Variants in FGF13 observed in about 807,000 individuals in gnomAD.
FGF13 encodes fibroblast growth factor homologous factor 2.
Under a neutral mutation model 19.5 loss-of-function variants are expected in FGF13, and 2 were observed. The observed-to-expected ratio is 0.10, with a 90% CI of 0.04 to 0.32. The LOEUF (loss-of-function observed/expected upper bound fraction) is 0.32. Among genes scored for constraint, FGF13 ranks in the 10% least tolerant of loss-of-function variants. FGF13 has a pLI of 1.00. For missense variants in FGF13, 113 were observed against 192.7 expected, an observed-to-expected ratio of 0.59 and a Z score of 2.45; for synonymous variants, 72 against 76.9, an observed-to-expected ratio of 0.94 and a Z score of 0.33.
intron 1 of FGF13, among the ~76,000 whole-genome samples, chrX:139,155,326 A>G: frequency 8.9e-6 from 1 of 111,922 alleles, no homozygotes; most frequent in East Asian, 2.8e-4. Flanking sequence ...CTACATTTTG[A>G]TATTGGGGAT....
At chrX:139,177,531 A>G (rs1156778147) in intron 1 of FGF13, among the ~76,000 whole-genome samples, 2 of 110,962 alleles carry the variant, frequency 1.8e-5, no homozygotes, top group Non-Finnish European at 3.8e-5. Context: ...GGTCTTTACA[A>G]TTTGGTATGT....
Position 138,836,884 on chromosome X carries a change from T to G in FGF13, c.217+20628A>C, listed in dbSNP as rs777608295. On this transcript the variant is annotated intron_variant, in intron 3 of 6. Transcript: ENST00000436198. Reference sequence around the variant, plus strand: ...GTTGCTGACCTTTTGGTGGTGGGTTTTTTTTTTTTTTTCTTTAACAGTCTG... The same window carrying G: ...GTTGCTGACCTTTTGGTGGTGGGTTGTTTTTTTTTTTTCTTTAACAGTCTG... Among the ~76,000 whole-genome samples, 74 of 105,308 alleles carry G rather than the reference T, an allele frequency of 7.0e-4. 1 individual carries two copies. In the East Asian group the frequency reaches 0.01, roughly 14 times the overall value. 91.4% of individuals were successfully genotyped at this position (105,308 alleles called of 115,157 possible).
intron 1 of FGF13, among the ~76,000 whole-genome samples, chrX:139,082,237 A>G (rs2083375301): frequency 9.0e-6 from 1 of 110,979 alleles, no homozygotes; most frequent in Non-Finnish European, 1.9e-5. Flanking sequence ...AGATATCCGC[A>G]TGGCTGGCTC....
At chrX:138,768,727 T>G (rs1295578013) in intron 3 of FGF13, among the ~76,000 whole-genome samples, 1 of 96,668 alleles carries the variant, frequency 1.0e-5, no homozygotes, top group Admixed American at 1.1e-4. Context: ...AAGTATATAT[T>G]ATATATATAT....
At chrX:139,091,005 T>C (rs1166358069) in intron 1 of FGF13, among the ~76,000 whole-genome samples, 1 of 107,244 alleles carries the variant, frequency 9.3e-6, no homozygotes, top group Non-Finnish European at 1.9e-5. Context: ...GGTTATAAAT[T>C]AGAAAGGCAC....
chrX:139,073,089 C>T (rs1223429420), intron 1 of FGF13, among the ~76,000 whole-genome samples: 1 of 109,272 alleles, frequency 9.2e-6, no homozygotes, highest in Non-Finnish European at 1.9e-5. Context: ...ATCGTCTCAA[C>T]GTTTCATTGT....
intron 1 of FGF13, among the ~76,000 whole-genome samples, chrX:138,974,208 C>T (rs1309380803): frequency 9.0e-6 from 1 of 111,541 alleles, no homozygotes; most frequent in Non-Finnish European, 1.9e-5. Context: ...GACAAGGGGT[C>T]AGAGGCCAGG....
At position 138,710,768 on chromosome X, in the gene FGF13, C is replaced by G. The variant is rs1053561198; in HGVS notation, c.187+49G>C. 3 of 1,198,125 alleles carry G rather than the reference C, an allele frequency of 2.5e-6. No individual in the cohort carries two copies. In the African/African-American group the frequency reaches 5.2e-5, roughly 21 times the overall value. Reference sequence around the variant, plus strand: ...CTACATACCTGCTCCCCACCGCCCCCACCTCACTCGTAAAGTATGGGGAAA... The same window carrying G: ...CTACATACCTGCTCCCCACCGCCCCGACCTCACTCGTAAAGTATGGGGAAA... On this transcript the variant is annotated intron_variant, in intron 1 of 4. Coordinates refer to ENST00000315930, the MANE Select transcript of FGF13 (RefSeq NM_004114.5).
intron 1 of FGF13, among the ~76,000 whole-genome samples, chrX:139,016,450 GA>G (rs766914358): frequency 9.0e-6 from 1 of 111,505 alleles, no homozygotes; most frequent in Non-Finnish European, 1.9e-5. Flanking sequence ...ACACAGGGCT[GA>G]TAGGCAATCC....
At chrX:138,834,235 C>T (rs2091094923) in intron 3 of FGF13, among the ~76,000 whole-genome samples, 1 of 111,931 alleles carries the variant, frequency 8.9e-6, no homozygotes, top group Non-Finnish European at 1.9e-5. Context: ...ACCAGCTCTT[C>T]TTTGTACAAC....
chrX:138,641,128 A>G (rs775556306), intron 3 of FGF13, among the ~76,000 whole-genome samples: 10 of 112,284 alleles, frequency 8.9e-5, no homozygotes, highest in African/African-American at 2.6e-4. Context: ...ATGTGTCTCA[A>G]TACATTTTGT....
At chrX:138,970,294 G>A (rs1267905852) in intron 1 of FGF13, among the ~76,000 whole-genome samples, 1 of 111,430 alleles carries the variant, frequency 9.0e-6, no homozygotes, top group African/African-American at 3.3e-5. Flanking sequence ...AAATAATTAA[G>A]CGGAGGAAGA....
At chrX:138,994,974 A>C (rs2092034921) in intron 1 of FGF13, among the ~76,000 whole-genome samples, 1 of 74,892 alleles carries the variant, frequency 1.3e-5, no homozygotes. Flanking sequence ...CAATTCAACA[A>C]CTATGTAACC....
chrX:138,831,851 C>T (rs756625777), intron 3 of FGF13, among the ~76,000 whole-genome samples: 16 of 111,131 alleles, frequency 1.4e-4, no homozygotes, highest in South Asian at 7.8e-4. Flanking sequence ...TTCTGAAATG[C>T]GCCAGTATGT....
intron 1 of FGF13, among the ~76,000 whole-genome samples, chrX:139,012,708 C>T (rs780344361): frequency 2.1e-4 from 23 of 111,523 alleles, no homozygotes. Context: ...CAAGATGGAT[C>T]AAAAACTTAA....
At chrX:138,671,536 C>T (rs2089611537) in intron 3 of FGF13, among the ~76,000 whole-genome samples, 1 of 111,298 alleles carries the variant, frequency 9.0e-6, no homozygotes, top group South Asian at 3.7e-4. Flanking sequence ...CTAGTATATT[C>T]CAGACTCTGT....
At chrX:139,175,951 G>C (rs1453877149) in intron 1 of FGF13, among the ~76,000 whole-genome samples, 1 of 111,556 alleles carries the variant, frequency 9.0e-6, no homozygotes, top group African/African-American at 3.3e-5. Context: ...TTTTTCTATT[G>C]TTTGGAATAG....
chrX:139,081,742 T>TCTCTCTCTCTCTCTC (rs2083372646), intron 1 of FGF13, among the ~76,000 whole-genome samples: 1 of 77,601 alleles, frequency 1.3e-5, no homozygotes, highest in African/African-American at 7.5e-5. Flanking sequence ...CTCTCTCTCT[T>TCTCTCTCTCTCTCTC]ATGTGTTGCA....
At chrX:138,790,858 TAA>T (rs763682081) in intron 3 of FGF13, among the ~76,000 whole-genome samples, 1 of 112,308 alleles carries the variant, frequency 8.9e-6, no homozygotes, top group South Asian at 3.7e-4. Flanking sequence ...CTGTTAAGGC[TAA>T]GTCATTGTTA....
Sources: gnomAD v4.1 joint callset for allele counts (sites outside exome capture counted in the v4.1 genomes callset) on GRCh38, gnomAD v4.1.1 for gene constraint, MANE v1.5 for transcripts, NCBI Gene and HGNC (gene_info 2026-07-23, HGNC 2026-07-21) for gene names.